The following MRE11 variants were observed in gnomAD, a reference collection of about 807,000 sequenced individuals.
The protein encoded by MRE11 is MRE11 double strand break repair nuclease, also known as double-strand break repair protein MRE11.
A neutral mutation model predicts 91.7 loss-of-function variants in MRE11; 62 were observed. That is an observed-to-expected ratio of 0.68 (90% CI 0.55 to 0.84). MRE11 has a LOEUF of 0.84. Among genes scored for constraint, MRE11 ranks in the 40% least tolerant of loss-of-function variants. MRE11 has a pLI of 0.00. For missense variants in MRE11, 796 were observed against 852.9 expected (o/e 0.93, Z 0.83); for synonymous variants, 273 against 271.4 (o/e 1.01, Z -0.06).
chr11:94,499,584 G>A, the MRE11 span: 3 of 152,022 alleles, frequency 2.0e-5, no homozygotes. Context: ...CAACACAAAA[G>A]GCATGAATTC....
At chr11:94,447,870 T>C (rs1945982462) in intron 14 of MRE11, among the ~76,000 whole-genome samples, 1 of 151,800 alleles carries the variant, frequency 6.6e-6, no homozygotes, top group African/African-American at 2.4e-5. Flanking sequence ...TATTTATATA[T>C]GTGTAAAGGA....
intron 14 of MRE11, among the ~76,000 whole-genome samples, chr11:94,450,319 A>T (rs1269256261): frequency 6.6e-6 from 1 of 152,182 alleles, no homozygotes; most frequent in African/African-American, 2.4e-5. Context: ...CGACATAACT[A>T]CCACAAATAA....
chr11:94,468,976 A>G (rs1234158305), intron 9 of MRE11, among the ~76,000 whole-genome samples: 1 of 152,180 alleles, frequency 6.6e-6, no homozygotes, highest in African/African-American at 2.4e-5. Flanking sequence ...GCTGAGACAG[A>G]AAAGTAAGAT....
At position 94,479,678 on chromosome 11, in the gene MRE11, G is replaced by C. The variant is rs2135090582; in HGVS notation, c.398C>G (p.Thr133Arg). Residue 133 changes from threonine (T) to arginine (R), a missense_variant, in exon 5 of 20, where the codon ACA (threonine) becomes AGA (arginine). Thr to Arg is a moderately conservative substitution (Grantham distance 71). Coordinates refer to ENST00000323929, the MANE Select transcript of MRE11 (RefSeq NM_005591.4). ...CTCTAAGAAAACAATAATTACCCCT[G>C]TGGGATCGTCATGATTGCCATGAAT... Reference protein sequence around the residue: ...FSIHGNHDDPTGADALCALDI... With the variant: ...FSIHGNHDDPRGADALCALDI... 1.2e-6 allele frequency: 2 copies of C among 1,611,346 alleles called. No homozygotes were observed. The highest frequency in any genetic ancestry group is 1.7e-6 in the Non-Finnish European group (2 of 1,178,308).
At chr11:94,503,862 A>G in the MRE11 span, among the ~76,000 whole-genome samples, 9 of 152,086 alleles carry the variant, frequency 5.9e-5, no homozygotes, top group East Asian at 1.7e-3. Context: ...CTAGCTATAA[A>G]ACAACAGTAT....
chr11:94,455,270 C>T (rs1946219378), intron 14 of MRE11, among the ~76,000 whole-genome samples: 1 of 152,084 alleles, frequency 6.6e-6, no homozygotes, highest in South Asian at 2.1e-4. Flanking sequence ...ATAAAATGGG[C>T]ACCTAGGAAA....
chr11:94,453,189 A>T (rs959628528), intron 14 of MRE11, among the ~76,000 whole-genome samples: 1 of 152,148 alleles, frequency 6.6e-6, no homozygotes, highest in Non-Finnish European at 1.5e-5. Flanking sequence ...ATAATATTCC[A>T]TTACATGCAC....
At chr11:94,483,314 T>C (rs1947058012) in intron 4 of MRE11, among the ~76,000 whole-genome samples, 1 of 152,078 alleles carries the variant, frequency 6.6e-6, no homozygotes, top group African/African-American at 2.4e-5. Context: ...AAATAATTTC[T>C]TAAAAATTAG....
intron 9 of MRE11, among the ~76,000 whole-genome samples, chr11:94,469,037 A>ACTTG (rs1946641361): frequency 6.6e-6 from 1 of 152,202 alleles, no homozygotes; most frequent in African/African-American, 2.4e-5. Context: ...CTTATAAAAA[A>ACTTG]TAATATAACT....
intron 18 of MRE11, among the ~76,000 whole-genome samples, chr11:94,434,345 G>A (rs1945541807): frequency 1.3e-5 from 2 of 152,010 alleles, no homozygotes; most frequent in African/African-American, 4.8e-5. Context: ...TTGGCTCCAG[G>A]GGATAGAGTG....
At chr11:94,466,417 T>C (rs1038464998) in intron 10 of MRE11, 2 of 498,430 alleles carry the variant, frequency 4.0e-6, no homozygotes, top group African/African-American at 3.9e-5. Context: ...CCAGCGACAG[T>C]GGGATAAAGA....
chr11:94,496,770 A>G, upstream of MRE11: 1 of 1,613,918 alleles, frequency 6.2e-7, no homozygotes, highest in Non-Finnish European at 8.5e-7. Flanking sequence ...CACTTTAACC[A>G]ACTTGAATTG....
At chr11:94,471,465 A>G (rs1384443974) in intron 8 of MRE11, 109 bp downstream of exon 8, 6 of 962,486 alleles carry the variant, frequency 6.2e-6, no homozygotes, top group Non-Finnish European at 9.6e-6. Context: ...CATATAAATG[A>G]CAATACTGCC....
intron 3 of MRE11, among the ~76,000 whole-genome samples, chr11:94,488,807 G>A (rs1744005157): frequency 6.6e-6 from 1 of 152,138 alleles, no homozygotes; most frequent in Admixed American, 6.5e-5. Context: ...GATGATAGGA[G>A]GAGGGAGAGG....
chr11:94,508,674 A>G, the MRE11 span, among the ~76,000 whole-genome samples: 2 of 151,992 alleles, frequency 1.3e-5, no homozygotes, highest in Non-Finnish European at 2.9e-5. Context: ...TGGCTTTATC[A>G]TAAGTCTTAT....
intron 3 of MRE11, among the ~76,000 whole-genome samples, chr11:94,490,577 A>G (rs1180817081): frequency 1.3e-5 from 2 of 152,222 alleles, no homozygotes; most frequent in Non-Finnish European, 2.9e-5. Context: ...TCGAATAGAC[A>G]CTGCCACAGG....
intron 9 of MRE11, 22 bp downstream of exon 9, chr11:94,470,449 T>A (rs1377933497): frequency 1.2e-6 from 2 of 1,608,630 alleles, no homozygotes; most frequent in African/African-American, 1.3e-5. Context: ...TAGATCTCAT[T>A]GACTTTATCA....
At chr11:94,431,870 C>T (rs895703929) in intron 18 of MRE11, among the ~76,000 whole-genome samples, 1 of 152,056 alleles carries the variant, frequency 6.6e-6, no homozygotes, top group East Asian at 1.9e-4. Context: ...GAAAAGTAAA[C>T]AATCTACTGT....
chr11:94,444,444 G>T (rs911226326), intron 16 of MRE11, among the ~76,000 whole-genome samples: 3 of 152,098 alleles, frequency 2.0e-5, no homozygotes, highest in Non-Finnish European at 4.4e-5. Flanking sequence ...CTGAAGCCAT[G>T]GTTTTTAGTT....
Sources: gnomAD v4.1 joint callset for allele counts (sites outside exome capture counted in the v4.1 genomes callset) on GRCh38, gnomAD v4.1.1 for gene constraint, MANE v1.5 for transcripts, NCBI Gene and HGNC (gene_info 2026-07-23, HGNC 2026-07-21) for gene names.